Variants in PPP2R2B observed in about 807,000 individuals in gnomAD.
PPP2R2B encodes serine/threonine-protein phosphatase 2A 55 kDa regulatory subunit B beta isoform.
PPP2R2B carries 5 observed loss-of-function variants against 46.0 expected under a neutral mutation model. The observed-to-expected ratio is 0.11, with a 90% confidence interval of 0.06 to 0.23. The LOEUF is 0.23. PPP2R2B is among the 10% of genes least tolerant of loss of function. PPP2R2B has a pLI of 1.00. For missense variants in PPP2R2B, 367 were observed against 575.0 expected, an observed-to-expected ratio of 0.64 and a Z score of 3.70; for synonymous variants, 215 against 206.7, an observed-to-expected ratio of 1.04 and a Z score of -0.34.
chr5:147,040,612 T>C, intron 1 of PPP2R2B: 1 of 346,942 alleles, frequency 2.9e-6, no homozygotes, highest in Non-Finnish European at 5.8e-6. Flanking sequence ...GGCTTGGCCC[T>C]TTACTTAGTG....
chr5:146,593,465 C>A (rs557148590), intron 8 of PPP2R2B, among the ~76,000 whole-genome samples: 1 of 152,300 alleles, frequency 6.6e-6, no homozygotes, highest in Admixed American at 6.5e-5. Flanking sequence ...GTGCTTTTGA[C>A]CCAGTGTCAG....
At chr5:146,688,379 G>A (rs1778635543) in intron 5 of PPP2R2B, among the ~76,000 whole-genome samples, 1 of 151,680 alleles carries the variant, frequency 6.6e-6, no homozygotes, top group African/African-American at 2.4e-5. Flanking sequence ...AGTGACCGCA[G>A]ACCCCCTTGT....
chr5:146,889,264 T>C (rs916097813), intron 1 of PPP2R2B, among the ~76,000 whole-genome samples: 1 of 152,152 alleles, frequency 6.6e-6, no homozygotes, highest in African/African-American at 2.4e-5. Context: ...AGGTAATCTG[T>C]ATCATATATG....
At chr5:146,858,216 G>A (rs749041067) in intron 2 of PPP2R2B, among the ~76,000 whole-genome samples, 9 of 152,148 alleles carry the variant, frequency 5.9e-5, no homozygotes, top group Non-Finnish European at 8.8e-5. Context: ...TACAAACCCA[G>A]TCATCTCCAG....
upstream of PPP2R2B, among the ~76,000 whole-genome samples, chr5:146,883,341 G>A (rs1240474636): frequency 2.0e-5 from 3 of 152,086 alleles, no homozygotes; most frequent in South Asian, 4.1e-4. Flanking sequence ...TTCCTCCTGC[G>A]GTACTTCATG....
At chr5:147,022,252 T>C (rs777532024) in intron 1 of PPP2R2B, among the ~76,000 whole-genome samples, 8 of 152,028 alleles carry the variant, frequency 5.3e-5, no homozygotes, top group Non-Finnish European at 1.2e-4. Flanking sequence ...AAAATATTTA[T>C]AGAAATCATA....
intron 5 of PPP2R2B, among the ~76,000 whole-genome samples, chr5:146,683,610 C>T (rs1467901644): frequency 6.6e-6 from 1 of 152,154 alleles, no homozygotes; most frequent in Admixed American, 6.5e-5. Context: ...GTTCCTTTGG[C>T]TGACATGGAA....
At chr5:146,596,543 C>G (rs1279043865) in intron 8 of PPP2R2B, among the ~76,000 whole-genome samples, 1 of 152,194 alleles carries the variant, frequency 6.6e-6, no homozygotes, top group African/African-American at 2.4e-5. Context: ...CTAAAACTAG[C>G]TTTGTCCTAA....
At chr5:146,755,564 A>G (rs1335106440) in intron 2 of PPP2R2B, among the ~76,000 whole-genome samples, 4 of 152,194 alleles carry the variant, frequency 2.6e-5, no homozygotes, top group East Asian at 1.9e-4. Flanking sequence ...GACAACACCA[A>G]TTGGCAATAT....
intron 5 of PPP2R2B, among the ~76,000 whole-genome samples, chr5:146,684,089 G>GTTCA (rs1778344146): frequency 6.6e-6 from 1 of 152,154 alleles, no homozygotes; most frequent in Non-Finnish European, 1.5e-5. Flanking sequence ...TATGGAATAG[G>GTTCA]CTTGATTGAT....
At chr5:146,861,054 C>CTTTTTTTT (rs1211197915) in intron 2 of PPP2R2B, among the ~76,000 whole-genome samples, 4 of 101,718 alleles carry the variant, frequency 3.9e-5, no homozygotes, top group Non-Finnish European at 5.8e-5. Flanking sequence ...TGAATTTTTT[C>CTTTTTTTT]TTTTTTTTTT....
At chr5:146,974,069 A>T (rs1752783042) in intron 1 of PPP2R2B, among the ~76,000 whole-genome samples, 1 of 152,212 alleles carries the variant, frequency 6.6e-6, no homozygotes, top group Non-Finnish European at 1.5e-5. Flanking sequence ...AACTAAGTAG[A>T]TTAAGTTAGA....
chr5:146,681,203 G>A (rs1778147443), intron 5 of PPP2R2B, among the ~76,000 whole-genome samples: 1 of 152,210 alleles, frequency 6.6e-6, no homozygotes, highest in Admixed American at 6.5e-5. Flanking sequence ...GGCCCTAGAA[G>A]TCCTCTACTG....
At chr5:147,026,568 G>C (rs147391731) in intron 1 of PPP2R2B, among the ~76,000 whole-genome samples, 12 of 152,078 alleles carry the variant, frequency 7.9e-5, no homozygotes, top group African/African-American at 2.7e-4. Flanking sequence ...TTATGTACTT[G>C]TGCATTTTAT....
At chr5:146,823,173 G>C (rs1758371885) in intron 2 of PPP2R2B, among the ~76,000 whole-genome samples, 1 of 152,034 alleles carries the variant, frequency 6.6e-6, no homozygotes. Context: ...TGGTGGACTT[G>C]CTCTGTGGCC....
At chr5:146,621,000 AAAGGGAGAGAGGAGCAGC>A (rs1416019649) in intron 7 of PPP2R2B, among the ~76,000 whole-genome samples, 2 of 152,218 alleles carry the variant, frequency 1.3e-5, no homozygotes, top group Non-Finnish European at 2.9e-5. Flanking sequence ...ACAGGCACAG[AAAGGGAGAGAGGAGCAGC>A]TCCCCACTGA....
At chr5:147,048,278 C>T (rs963039904) in intron 1 of PPP2R2B, among the ~76,000 whole-genome samples, 1 of 152,158 alleles carries the variant, frequency 6.6e-6, no homozygotes, top group African/African-American at 2.4e-5. Context: ...AGCCTGGACT[C>T]TGGAGTCAGG....
chr5:146,879,265 G>A (rs574015758), upstream of PPP2R2B: 2 of 152,142 alleles, frequency 1.3e-5, no homozygotes, highest in African/African-American at 4.8e-5. Flanking sequence ...ATAGGAGGGG[G>A]ATCAGGGGCC....
Position 146,878,362 on chromosome 5 carries a change from G to A in PPP2R2B, c.-124-167C>T. On this transcript the variant is annotated intron_variant, in intron 1 of 9. Transcript: ENST00000394411. The surrounding 1 kb of genome is among the most constrained non-coding windows in gnomAD (Gnocchi z 4.5). ...TGCTGCGCCTGCCTCCGCTGCCTCC[G>A]GGTGCCAAGATACGCCGTGCCCCGA... 1 of 1,435,948 alleles carries A rather than the reference G, an allele frequency of 7.0e-7. No homozygotes were observed. Among genetic ancestry groups the A allele is most frequent in the Non-Finnish European group, 9.1e-7 (1 of 1,101,638 alleles). 89.0% of individuals were successfully genotyped at this position (1,435,948 alleles called of 1,614,324 possible).
Sources: allele counts gnomAD v4.1 joint callset (sites outside exome capture counted in the v4.1 genomes callset), GRCh38; gene constraint gnomAD v4.1.1; non-coding constraint Gnocchi (gnomAD v3.1); transcripts MANE v1.5; gene names NCBI Gene and HGNC (gene_info 2026-07-23, HGNC 2026-07-21).